The following TMEM234 variants were observed in gnomAD, a reference collection of about 807,000 sequenced individuals.
TMEM234 encodes the protein chromosome 1 open reading frame 91.
A neutral mutation model predicts 17.8 loss-of-function variants in TMEM234; 21 were observed. The observed-to-expected ratio is 1.18, with a 90% CI of 0.84 to 1.70. The LOEUF is 1.70. Among genes scored for constraint, TMEM234 ranks in the 40% most tolerant of loss-of-function variants. TMEM234 has a pLI of 0.00. For missense variants in TMEM234, 137 were observed against 166.9 expected, an observed-to-expected ratio of 0.82 and a Z score of 0.99; for synonymous variants, 83 against 73.5, an observed-to-expected ratio of 1.13 and a Z score of -0.66.
At chr1:32,214,574 T>G (rs984648495), downstream of TMEM234, 2 of 567,590 alleles carry the variant, frequency 3.5e-6, no homozygotes, top group African/African-American at 3.8e-5. Flanking sequence ...CAGTCTGGTT[T>G]CACTGGGCAT....
At chr1:32,215,103 C>T, downstream of TMEM234, 1 of 937,138 alleles carries the variant, frequency 1.1e-6, no homozygotes, top group Non-Finnish European at 1.5e-6. Context: ...GCTCAGGAGA[C>T]TGCCCGTAAA....
intron 2 of TMEM234, among the ~76,000 whole-genome samples, chr1:32,221,399 C>T (rs1638896251): frequency 6.6e-6 from 1 of 152,162 alleles, no homozygotes; most frequent in African/African-American, 2.4e-5. Context: ...TACCCTCTCC[C>T]TCACCTCTGC....
At chr1:32,214,789 T>G, downstream of TMEM234, 1 of 1,613,888 alleles carries the variant, frequency 6.2e-7, no homozygotes, top group Non-Finnish European at 8.5e-7. Context: ...CCAGTGTCCC[T>G]TCTCTAGGCC....
downstream of TMEM234, chr1:32,215,108 C>G: frequency 1.1e-6 from 1 of 881,764 alleles, no homozygotes; most frequent in Non-Finnish European, 1.6e-6. Context: ...GGAGACTGCC[C>G]GTAAAAAAAA....
In TMEM234 at chr1:32,222,308, C is replaced by A. The variant is rs200137561; in HGVS notation, c.15G>T (p.Leu5=). 48 of 1,561,386 alleles carry A rather than the reference C, an allele frequency of 3.1e-5. No homozygotes were observed. In the Admixed American group the frequency reaches 8.2e-4, roughly 27 times the overall value. The change falls in exon 1 of 5, where the codon CTG becomes CTT. Residue 5 remains leucine (L), a splice_region_variant and synonymous_variant. Coordinates refer to ENST00000309777, the MANE Select transcript of TMEM234 (RefSeq NM_019118.5). MAAS[L]GQVLALVLVA... ...GGAAGGGCGGGGCCGGCTACCTACC[C>A]AGAGACGCCGCCATGGCAACGCCGC...
At chr1:32,220,505 A>G (rs1221142734) in intron 3 of TMEM234, among the ~76,000 whole-genome samples, 2 of 152,184 alleles carry the variant, frequency 1.3e-5, no homozygotes, top group African/African-American at 2.4e-5. Flanking sequence ...TATGGCTTCA[A>G]ATCCTTCTGC....
downstream of TMEM234, chr1:32,214,609 T>C (rs1182959808): frequency 2.7e-6 from 2 of 742,082 alleles, no homozygotes; most frequent in Non-Finnish European, 4.3e-6. Flanking sequence ...CATCTACTGC[T>C]CTGTCCCTGG....
Position 32,222,298 on chromosome 1 carries a change from G to A in TMEM234, c.16+9C>T. 2 of 1,550,956 alleles carry A rather than the reference G, an allele frequency of 1.3e-6. No homozygotes were observed. Among genetic ancestry groups the A allele is most frequent in the East Asian group, 2.3e-5 (1 of 44,248 alleles). On this transcript the variant is annotated intron_variant, in intron 1 of 4. Transcript: ENST00000309777. Reference sequence around the variant, plus strand: ...GGAAATCCATGGAAGGGCGGGGCCGGCTACCTACCCAGAGACGCCGCCATG... The same window carrying A: ...GGAAATCCATGGAAGGGCGGGGCCGACTACCTACCCAGAGACGCCGCCATG...
rs1326700389 is a variant in TMEM234 at position 32,216,878 on chromosome 1, G to A, written c.398C>T (p.Thr133Ile). ...SLCITSSVSK[T>I]QGQQSTL ...TCAAAGGGTAGACTGTTGCCCCTGG[G>A]TCTTACTCACTGAGCTTGTGATGCA... Residue 133 changes from threonine to isoleucine, a missense_variant, in exon 5 of 5, where the codon ACC (threonine) becomes ATC (isoleucine). Transcript: ENST00000309777. 6.2e-7 allele frequency: 1 copy of A among 1,614,192 alleles called. No individual in the cohort carries two copies. The highest frequency in any genetic ancestry group is 1.7e-4 in the Middle Eastern group (1 of 6,060).
intron 2 of TMEM234, among the ~76,000 whole-genome samples, chr1:32,221,511 C>A (rs1482267611): frequency 6.6e-6 from 1 of 152,178 alleles, no homozygotes. Context: ...TCCTCCCCTG[C>A]AGGGCCAATT....
chr1:32,216,682 CTCTT>C lies in TMEM234; in HGVS notation c.*167_*170del. On this transcript the variant is annotated 3_prime_UTR_variant, in exon 5 of 5. Coordinates refer to ENST00000309777, the MANE Select transcript of TMEM234 (RefSeq NM_019118.5). Reference sequence around the variant, plus strand: ...TGAACAGCACTTGAAGGTTACAAAACTCTTTCACTCTTGTTCTCTTATTGTGATC... The same window carrying C: ...TGAACAGCACTTGAAGGTTACAAAACTCACTCTTGTTCTCTTATTGTGATC... 1.3e-6 allele frequency: 2 copies of C among 1,493,396 alleles called. No individual in the cohort carries two copies. The highest frequency in any genetic ancestry group is 1.3e-5 in the South Asian group (1 of 74,554). 92.5% of individuals were successfully genotyped at this position (1,493,396 alleles called of 1,614,324 possible).
downstream of TMEM234, chr1:32,214,810 G>A (rs1183074049): frequency 6.2e-7 from 1 of 1,613,948 alleles, no homozygotes. Flanking sequence ...CAAGGCCACA[G>A]GGCCCAGGTA....
At chr1:32,215,458 G>C (rs1410157747), downstream of TMEM234, 2 of 1,612,856 alleles carry the variant, frequency 1.2e-6, no homozygotes, top group Non-Finnish European at 1.7e-6. Flanking sequence ...GGAGTATATG[G>C]AGCTCCCCAC....
chr1:32,219,606 C>G (rs1569820146), intron 3 of TMEM234, among the ~76,000 whole-genome samples: 1 of 152,106 alleles, frequency 6.6e-6, no homozygotes, highest in Non-Finnish European at 1.5e-5. Context: ...TCTCTAGGCT[C>G]AGGTTATCTG....
At chr1:32,221,064 G>A (rs1012917110) in intron 3 of TMEM234, 67 bp downstream of exon 3, 16 of 1,327,800 alleles carry the variant, frequency 1.2e-5, no homozygotes, top group East Asian at 9.5e-5. Context: ...GCTCCACCCC[G>A]CCCCCCCCAA....
downstream of TMEM234, chr1:32,214,887 A>G: frequency 1.9e-6 from 3 of 1,613,916 alleles, no homozygotes; most frequent in Non-Finnish European, 2.5e-6. Flanking sequence ...ACCCCAGCAG[A>G]CCATTCAGCC....
Position 32,216,296 on chromosome 1 carries a change from C to T in TMEM234, c.*557G>A, listed in dbSNP as rs114689234. ...CAGCTCTCTACCTGTTTAAGAGGGG[C>T]TGGCAGTGAGGATTTCTGCCTACCT... On this transcript the variant is annotated 3_prime_UTR_variant, in exon 5 of 5. Coordinates refer to ENST00000309777, the MANE Select transcript of TMEM234 (RefSeq NM_019118.5). 1,404 of 1,502,022 alleles carry T rather than the reference C, an allele frequency of 9.3e-4. 2 individuals carry two copies. Among genetic ancestry groups the T allele is most frequent in the Non-Finnish European group, 1.2e-3 (1,325 of 1,123,042 alleles). 93.0% of individuals were successfully genotyped at this position (1,502,022 alleles called of 1,614,324 possible). A position where few individuals can be genotyped will look rare whatever the true frequency, so the allele number is the denominator to read the frequency against.
At chr1:32,214,542 T>C (rs1320390639), downstream of TMEM234, 9 of 494,400 alleles carry the variant, frequency 1.8e-5, no homozygotes, top group Non-Finnish European at 2.9e-5. Flanking sequence ...GCATGGGGCA[T>C]GGTGGTGGGG....
downstream of TMEM234, chr1:32,215,778 T>C (rs1355486171): frequency 6.5e-7 from 1 of 1,529,300 alleles, no homozygotes; most frequent in Non-Finnish European, 8.8e-7. Context: ...GGCTCCATTC[T>C]GTATGGCCTT....
Sources: allele counts gnomAD v4.1 joint callset (sites outside exome capture counted in the v4.1 genomes callset), GRCh38; gene constraint gnomAD v4.1.1; transcripts MANE v1.5; gene names NCBI Gene and HGNC (gene_info 2026-07-23, HGNC 2026-07-21).